Variants in DNER observed in about 807,000 individuals in gnomAD.
The protein encoded by DNER is delta/notch like EGF repeat containing, also known as delta and Notch-like epidermal growth factor-related receptor.
A neutral mutation model predicts 78.2 loss-of-function variants in DNER; 33 were observed. The ratio of observed to expected loss-of-function variants is 0.42; its 90% CI spans 0.32 to 0.56. The LOEUF is 0.56. DNER is among the 20% of genes least tolerant of loss of function. The probability of loss-of-function intolerance (pLI) is 0.11; values close to 1 mark genes in which losing one functional copy is unlikely to be tolerated. For missense variants in DNER, 918 were observed against 975.3 expected (o/e 0.94, Z 0.78); for synonymous variants, 417 against 384.8 (o/e 1.08, Z -0.98).
At chr2:229,428,054 G>A in intron 8 of DNER, among the ~76,000 whole-genome samples, 1 of 139,944 alleles carries the variant, frequency 7.1e-6, no homozygotes. Flanking sequence ...TAGCCTGGGT[G>A]ACAGAGCGAG....
intron 11 of DNER, among the ~76,000 whole-genome samples, chr2:229,373,304 T>A (rs2106328994): frequency 6.6e-6 from 1 of 152,276 alleles, no homozygotes; most frequent in Middle Eastern, 3.4e-3. Flanking sequence ...CAGACACTTC[T>A]TAAAAGAAAG....
chr2:229,478,753 A>G (rs1695089389), intron 6 of DNER, among the ~76,000 whole-genome samples: 1 of 152,162 alleles, frequency 6.6e-6, no homozygotes. Flanking sequence ...ATTCATCCAT[A>G]CTCACGTAAC....
chr2:229,505,093 T>C (rs1014022156), intron 6 of DNER, among the ~76,000 whole-genome samples: 2 of 151,768 alleles, frequency 1.3e-5, no homozygotes, highest in South Asian at 4.2e-4. Context: ...ACCTGAAGGC[T>C]AAGTGCCCCC....
At chr2:229,671,912 A>G (rs1052170163) in intron 1 of DNER, among the ~76,000 whole-genome samples, 1 of 152,228 alleles carries the variant, frequency 6.6e-6, no homozygotes, top group Non-Finnish European at 1.5e-5. Flanking sequence ...GAAATGTTCA[A>G]ACAATATTAG....
rs73998211 is a variant in DNER, at chr2:229,366,301, G to A, written c.2102+572C>T. ...ATATTTGTGGAAAGTTAAAAGATCC[G>A]TCTAAACTACCGAGTCAGGTAACGG... is the stretch of plus-strand genomic sequence containing the variant. On this transcript the variant is annotated intron_variant, in intron 12 of 12. Coordinates refer to ENST00000341772, the MANE Select transcript of DNER (RefSeq NM_139072.4). 8.6e-3 allele frequency among the ~76,000 whole-genome samples: 1,303 copies of A among 152,246 alleles called. 26 individuals are homozygous for A. The highest frequency in any genetic ancestry group is 0.03 in the African/African-American group (1,261 of 41,538).
intron 4 of DNER, among the ~76,000 whole-genome samples, chr2:229,565,410 A>G (rs1307491127): frequency 6.6e-6 from 1 of 152,198 alleles, no homozygotes; most frequent in Non-Finnish European, 1.5e-5. Flanking sequence ...GCCTTTTTGA[A>G]TAATTCATGC....
At chr2:229,701,156 T>C (rs910521499) in intron 1 of DNER, among the ~76,000 whole-genome samples, 3 of 152,240 alleles carry the variant, frequency 2.0e-5, no homozygotes, top group Non-Finnish European at 4.4e-5. Context: ...ACAGGTCTTT[T>C]ACACATTTCC....
chr2:229,492,837 C>T (rs1695429302), intron 6 of DNER, among the ~76,000 whole-genome samples: 1 of 151,832 alleles, frequency 6.6e-6, no homozygotes, highest in Admixed American at 6.6e-5. Context: ...CGCAGCTAAG[C>T]TTTTTTTATT....
chr2:229,451,040 G>A (rs2106363710), intron 7 of DNER, among the ~76,000 whole-genome samples: 1 of 152,298 alleles, frequency 6.6e-6, no homozygotes, highest in Middle Eastern at 3.4e-3. Context: ...CCTCTACCTG[G>A]AAAACAGGGC....
chr2:229,610,611 G>A (rs946198131), intron 1 of DNER, among the ~76,000 whole-genome samples: 6 of 149,790 alleles, frequency 4.0e-5, no homozygotes, highest in South Asian at 2.2e-4. Context: ...CGGTCCTTTC[G>A]TGATACTTAG....
intron 2 of DNER, among the ~76,000 whole-genome samples, chr2:229,590,870 TG>T (rs985443146): frequency 1.3e-5 from 2 of 152,222 alleles, no homozygotes; most frequent in African/African-American, 4.8e-5. Flanking sequence ...GTTTGGGCCA[TG>T]GGGGCAGATC....
chr2:229,694,177 A>G (rs187453858), intron 1 of DNER, among the ~76,000 whole-genome samples: 60 of 152,366 alleles, frequency 3.9e-4, no homozygotes, highest in Non-Finnish European at 7.9e-4. Flanking sequence ...GGTGCACAGA[A>G]GTCAAGAACT....
intron 1 of DNER, among the ~76,000 whole-genome samples, chr2:229,601,980 C>A (rs1217951884): frequency 1.3e-5 from 2 of 151,866 alleles, no homozygotes; most frequent in South Asian, 2.1e-4. Flanking sequence ...CATAGGCACA[C>A]CAGCCTCAAA....
chr2:229,500,903 G>C (rs556355566), intron 6 of DNER, among the ~76,000 whole-genome samples: 3 of 151,976 alleles, frequency 2.0e-5, no homozygotes, highest in African/African-American at 7.2e-5. Flanking sequence ...TTATGCCTTT[G>C]CATTCTCATA....
At chr2:229,599,566 C>T (rs1320983296) in intron 1 of DNER, among the ~76,000 whole-genome samples, 1 of 152,162 alleles carries the variant, frequency 6.6e-6, no homozygotes, top group Non-Finnish European at 1.5e-5. Flanking sequence ...GCTAACATCC[C>T]CTGGGGAAAG....
chr2:229,671,081 G>T (rs1699199139), intron 1 of DNER, among the ~76,000 whole-genome samples: 1 of 152,064 alleles, frequency 6.6e-6, no homozygotes, highest in South Asian at 2.1e-4. Context: ...ATCAGAAAAA[G>T]ATAAAAATAA....
At chr2:229,582,700 C>T (rs1203945334) in intron 4 of DNER, among the ~76,000 whole-genome samples, 5 of 152,074 alleles carry the variant, frequency 3.3e-5, no homozygotes, top group Middle Eastern at 3.2e-3. Flanking sequence ...AGTGCAGTGG[C>T]GTGATCTTGG....
intron 4 of DNER, among the ~76,000 whole-genome samples, chr2:229,582,811 T>C (rs1465587160): frequency 6.6e-6 from 1 of 152,136 alleles, no homozygotes; most frequent in South Asian, 2.1e-4. Flanking sequence ...GGCTAATTTC[T>C]TGTATTTTTA....
chr2:229,640,880 G>A (rs996283407), intron 1 of DNER, among the ~76,000 whole-genome samples: 13 of 152,288 alleles, frequency 8.5e-5, no homozygotes, highest in African/African-American at 2.2e-4. Flanking sequence ...ACTGAGTTGC[G>A]GTTCGGCTGA....
Sources: allele counts gnomAD v4.1 joint callset (sites outside exome capture counted in the v4.1 genomes callset), GRCh38; gene constraint gnomAD v4.1.1; transcripts MANE v1.5; gene names NCBI Gene and HGNC (gene_info 2026-07-23, HGNC 2026-07-21).